Variants in MACROD2 observed in about 807,000 individuals in gnomAD.
The protein encoded by MACROD2 is mono-ADP ribosylhydrolase 2.
A neutral mutation model predicts 70.4 loss-of-function variants in MACROD2; 36 were observed. The ratio of observed to expected loss-of-function variants is 0.51; its 90% CI spans 0.39 to 0.68. MACROD2 has a LOEUF of 0.68. MACROD2 is among the 30% of genes least tolerant of loss of function. The probability of loss-of-function intolerance (pLI) is 0.00; values close to 1 mark genes in which losing one functional copy is unlikely to be tolerated. For missense variants in MACROD2, 496 were observed against 538.4 expected (o/e 0.92, Z 0.78); for synonymous variants, 172 against 178.8 (o/e 0.96, Z 0.30).
intron 5 of MACROD2, among the ~76,000 whole-genome samples, chr20:15,132,195 A>T (rs1361937891): frequency 6.6e-6 from 1 of 152,068 alleles, no homozygotes; most frequent in Non-Finnish European, 1.5e-5. Flanking sequence ...TTATGGTCTA[A>T]ATAACATATC....
chr20:14,739,905 A>G (rs1238033331), intron 5 of MACROD2, among the ~76,000 whole-genome samples: 3 of 152,070 alleles, frequency 2.0e-5, no homozygotes, highest in Non-Finnish European at 4.4e-5. Context: ...AAGGTAGGGC[A>G]TGGATAGGGA....
At chr20:15,297,368 G>A (rs578249083) in intron 6 of MACROD2, among the ~76,000 whole-genome samples, 1 of 152,236 alleles carries the variant, frequency 6.6e-6, no homozygotes, top group East Asian at 1.9e-4. Context: ...GAAGAAAAAG[G>A]TGTGCATCCT....
At chr20:15,224,460 C>G (rs2076888008) in intron 5 of MACROD2, among the ~76,000 whole-genome samples, 1 of 152,158 alleles carries the variant, frequency 6.6e-6, no homozygotes. Flanking sequence ...CATTGTGATG[C>G]TGTCATTATC....
intron 10 of MACROD2, chr20:15,893,097 T>C (rs2064914263): frequency 2.5e-6 from 1 of 400,172 alleles, no homozygotes. Flanking sequence ...AACACACTCA[T>C]GTTCAGATAT....
At chr20:14,646,593 A>T (rs1020435679) in intron 4 of MACROD2, among the ~76,000 whole-genome samples, 1 of 152,066 alleles carries the variant, frequency 6.6e-6, no homozygotes, top group Non-Finnish European at 1.5e-5. Flanking sequence ...ATAGTAAAAA[A>T]ATTGGTCTTT....
At chr20:14,802,039 T>C (rs1014026866) in intron 5 of MACROD2, among the ~76,000 whole-genome samples, 2 of 152,078 alleles carry the variant, frequency 1.3e-5, no homozygotes, top group African/African-American at 4.8e-5. Context: ...AATTTAATTA[T>C]ATATGTCTTT....
intron 6 of MACROD2, among the ~76,000 whole-genome samples, chr20:15,401,835 G>T (rs1267202396): frequency 6.6e-6 from 1 of 152,202 alleles, no homozygotes; most frequent in African/African-American, 2.4e-5. Flanking sequence ...CGGTCAGATG[G>T]AGACCTTGGG....
At chr20:14,644,479 A>G (rs1457673874) in intron 4 of MACROD2, among the ~76,000 whole-genome samples, 1 of 152,136 alleles carries the variant, frequency 6.6e-6, no homozygotes, top group African/African-American at 2.4e-5. Flanking sequence ...TTCCAATGAC[A>G]CTTCTTATTT....
chr20:14,914,029 C>G (rs1186290912), intron 5 of MACROD2, among the ~76,000 whole-genome samples: 1 of 152,144 alleles, frequency 6.6e-6, no homozygotes, highest in Non-Finnish European at 1.5e-5. Context: ...CAATTTGCAG[C>G]CTTCCTTATA....
chr20:15,310,260 G>A (rs1395071674), intron 6 of MACROD2, among the ~76,000 whole-genome samples: 1 of 152,054 alleles, frequency 6.6e-6, no homozygotes, highest in Non-Finnish European at 1.5e-5. Context: ...CCCCTACCAG[G>A]TAGAAAGGTA....
chr20:15,021,482 A>G (rs980926839), intron 5 of MACROD2: 1 of 150,706 alleles, frequency 6.6e-6, no homozygotes, highest in Non-Finnish European at 1.5e-5. Flanking sequence ...GACTATATAT[A>G]TGCACACATA....
intron 5 of MACROD2, among the ~76,000 whole-genome samples, chr20:14,715,741 A>AG (rs1205656651): frequency 4.6e-5 from 7 of 152,302 alleles, no homozygotes; most frequent in Non-Finnish European, 1.0e-4. Flanking sequence ...CGTGAGGCTT[A>AG]GGGTCTGTGG....
chr20:15,558,154 A>G (rs2048193557), intron 8 of MACROD2, among the ~76,000 whole-genome samples: 1 of 152,226 alleles, frequency 6.6e-6, no homozygotes, highest in Admixed American at 6.5e-5. Context: ...ATCCTGGCCC[A>G]AAGCAATCAA....
intron 3 of MACROD2, among the ~76,000 whole-genome samples, chr20:14,371,946 A>G (rs950346083): frequency 3.3e-5 from 5 of 151,764 alleles, no homozygotes; most frequent in African/African-American, 1.2e-4. Context: ...ACCCCTCTGT[A>G]TGTTCTCATA....
intron 3 of MACROD2, among the ~76,000 whole-genome samples, chr20:14,332,496 G>A (rs2082863544): frequency 6.6e-6 from 1 of 152,100 alleles, no homozygotes; most frequent in African/African-American, 2.4e-5. Context: ...CTGTATAATA[G>A]TAGTGCTAAC....
chr20:14,823,973 G>A (rs968785938), intron 5 of MACROD2, among the ~76,000 whole-genome samples: 55 of 152,030 alleles, frequency 3.6e-4, no homozygotes, highest in Admixed American at 2.8e-3. Flanking sequence ...AGCTAGTTAG[G>A]AACTTGCCAT....
At chr20:16,009,682 G>C (rs577575590) in intron 15 of MACROD2, among the ~76,000 whole-genome samples, 1 of 152,198 alleles carries the variant, frequency 6.6e-6, no homozygotes, top group South Asian at 2.1e-4. Flanking sequence ...ACTTGAACCT[G>C]GGAGGTGGAG....
At position 15,607,912 on chromosome 20, in the gene MACROD2, A is replaced by G. The variant is rs76540430; in HGVS notation, c.645+108065A>G. Among the ~76,000 whole-genome samples the G allele has an allele frequency of 3.9e-3, 592 of 152,342 alleles. 1 individual carries two copies. The highest frequency in any genetic ancestry group is 0.014 in the Middle Eastern group (4 of 294). ...AATTCAGATGGTATAAATGTTTGCT[A>G]ACTAAAATCAATATCCAGAGATGGA... On this transcript the variant is annotated intron_variant, in intron 8 of 17. Coordinates refer to ENST00000684519, the MANE Select transcript of MACROD2 (RefSeq NM_001351661.2).
At chr20:15,849,154 C>A (rs2064268404) in intron 8 of MACROD2, among the ~76,000 whole-genome samples, 1 of 152,222 alleles carries the variant, frequency 6.6e-6, no homozygotes, top group South Asian at 2.1e-4. Context: ...CACACTCACA[C>A]ACACAGCACT....
Sources: allele counts gnomAD v4.1 joint callset (sites outside exome capture counted in the v4.1 genomes callset), GRCh38; gene constraint gnomAD v4.1.1; transcripts MANE v1.5; gene names NCBI Gene and HGNC (gene_info 2026-07-23, HGNC 2026-07-21).